TMPRSS15: variants seen among roughly 807,000 people sequenced by gnomAD.
The protein encoded by TMPRSS15 is enteropeptidase.
In TMPRSS15, 128 loss-of-function variants were observed where a neutral mutation model predicts 125.3. The observed-to-expected ratio is 1.02, with a 90% CI of 0.89 to 1.18. The LOEUF (loss-of-function observed/expected upper bound fraction) is 1.18, where lower values mean the gene tolerates loss of function less well. Among genes scored for constraint, TMPRSS15 ranks in the 50% most tolerant of loss-of-function variants. The pLI is 0.00. For missense variants in TMPRSS15, 1,283 were observed against 1,212.7 expected (o/e 1.06, Z -0.86); for synonymous variants, 446 against 423.2 (o/e 1.05, Z -0.66).
At chr21:18,355,391 A>G (rs929211339) in intron 8 of TMPRSS15, among the ~76,000 whole-genome samples, 2 of 151,858 alleles carry the variant, frequency 1.3e-5, no homozygotes, top group Non-Finnish European at 2.9e-5. Context: ...TAAAAAGTCC[A>G]GGAGCTTACC....
chr21:18,303,947 T>A (rs1186013989), intron 18 of TMPRSS15, among the ~76,000 whole-genome samples: 1 of 152,174 alleles, frequency 6.6e-6, no homozygotes, highest in East Asian at 1.9e-4. Context: ...TGATTTCCAA[T>A]AAAATATTTT....
chr21:18,447,586 C>T (rs1363897097), intron 1 of TMPRSS15, among the ~76,000 whole-genome samples: 3 of 152,036 alleles, frequency 2.0e-5, no homozygotes, highest in Admixed American at 2.0e-4. Flanking sequence ...TTGGGAGGGA[C>T]TTGGTGGGAA....
At chr21:18,351,305 T>C (rs2075565902) in intron 10 of TMPRSS15, among the ~76,000 whole-genome samples, 1 of 152,186 alleles carries the variant, frequency 6.6e-6, no homozygotes, top group East Asian at 1.9e-4. Flanking sequence ...GTTGTAGATA[T>C]TTATTTACAT....
At chr21:18,351,130 T>A (rs148969062) in intron 10 of TMPRSS15, among the ~76,000 whole-genome samples, 67 of 152,224 alleles carry the variant, frequency 4.4e-4, no homozygotes, top group African/African-American at 1.5e-3. Flanking sequence ...ACTCACAATT[T>A]ATGTTAAATC....
chr21:18,377,991 A>T (rs2075859935), intron 5 of TMPRSS15, among the ~76,000 whole-genome samples: 1 of 152,160 alleles, frequency 6.6e-6, no homozygotes, highest in African/African-American at 2.4e-5. Flanking sequence ...CACTGTTTCT[A>T]CCTAATTCAT....
chr21:18,360,020 A>G (rs1026461001), intron 7 of TMPRSS15, among the ~76,000 whole-genome samples, 157 bp from the exon 8 acceptor site: 10 of 152,086 alleles, frequency 6.6e-5, no homozygotes, highest in South Asian at 4.1e-4. Context: ...ATTGCCGGTT[A>G]TGAACACAAT....
At chr21:18,280,001 G>A (rs1454413477) in intron 22 of TMPRSS15, among the ~76,000 whole-genome samples, 1 of 152,120 alleles carries the variant, frequency 6.6e-6, no homozygotes, top group Non-Finnish European at 1.5e-5. Context: ...AAGACACAGT[G>A]CTTATCCTTA....
At chr21:18,360,311 C>T (rs1316836723) in intron 7 of TMPRSS15, among the ~76,000 whole-genome samples, 1 of 152,050 alleles carries the variant, frequency 6.6e-6, no homozygotes, top group African/African-American at 2.4e-5. Flanking sequence ...ATATATATCA[C>T]ATTTCCTTTG....
intron 4 of TMPRSS15, 33 bp downstream of exon 4, chr21:18,383,594 G>T: frequency 6.2e-7 from 1 of 1,609,126 alleles, no homozygotes; most frequent in East Asian, 2.2e-5. Flanking sequence ...ATAGCTTAAT[G>T]ATTCAAAGAA....
intron 1 of TMPRSS15, among the ~76,000 whole-genome samples, chr21:18,446,905 A>G (rs991719564): frequency 3.0e-5 from 1 of 32,874 alleles, no homozygotes; most frequent in Admixed American, 3.9e-4. Context: ...TATAACCCCA[A>G]AAAACATAGG....
In TMPRSS15 at chr21:18,275,140, A is replaced by ATAAC. The variant is rs1488286970; in HGVS notation, c.2904+53_2904+56dup. 6.3e-6 allele frequency: 10 copies of ATAAC among 1,588,116 alleles called. No homozygotes were observed. The African/African-American group carries it at 1.3e-4, about 21-fold the overall frequency. ...TCCCTAATTATTGTTAAGCAATGAA[A>ATAAC]TAACTATAACACCAGTGCTTTCTGA... is the stretch of plus-strand genomic sequence containing the variant. On this transcript the variant is annotated intron_variant, in intron 24 of 24. Coordinates refer to ENST00000284885, the MANE Select transcript of TMPRSS15 (RefSeq NM_002772.3).
rs867398358 is a variant in TMPRSS15, at chr21:18,270,413, C to A, written c.2905-289G>T. Among the ~76,000 whole-genome samples the A allele has an allele frequency of 9.2e-5, 14 of 152,160 alleles. No individual in the cohort carries two copies. In the South Asian group the frequency reaches 2.9e-3, roughly 32 times the overall value. ...GCATTTTGGTGGCTACTAAGAAGTT[C>A]TTTAAAGCACAACTATGAAAAGCAT... On this transcript the variant is annotated intron_variant, in intron 24 of 24. Coordinates refer to ENST00000284885, the MANE Select transcript of TMPRSS15 (RefSeq NM_002772.3).
chr21:18,442,864 G>A (rs570473683), intron 1 of TMPRSS15, among the ~76,000 whole-genome samples: 19 of 152,190 alleles, frequency 1.2e-4, no homozygotes, highest in Non-Finnish European at 1.3e-4. Context: ...CGATTCTGAC[G>A]TATCAATTCT....
At chr21:18,352,453 A>C (rs777101474) in intron 10 of TMPRSS15, among the ~76,000 whole-genome samples, 3 of 152,088 alleles carry the variant, frequency 2.0e-5, no homozygotes, top group African/African-American at 4.8e-5. Context: ...AACATCGGAG[A>C]TAACAAACAA....
intron 17 of TMPRSS15, among the ~76,000 whole-genome samples, 154 bp from the exon 18 acceptor site, chr21:18,313,231 G>A (rs2075120449): frequency 6.6e-6 from 1 of 151,814 alleles, no homozygotes; most frequent in African/African-American, 2.4e-5. Context: ...TAATAATAAT[G>A]TATTGTATAT....
chr21:18,380,472 A>G (rs1040832728), intron 4 of TMPRSS15: 4 of 444,660 alleles, frequency 9.0e-6, no homozygotes, highest in South Asian at 5.0e-5. Flanking sequence ...AAAAAAATGT[A>G]TATTTTCCTA....
At chr21:18,299,170 C>T (rs1271487107) in intron 18 of TMPRSS15, among the ~76,000 whole-genome samples, 1 of 152,130 alleles carries the variant, frequency 6.6e-6, no homozygotes, top group Non-Finnish European at 1.5e-5. Flanking sequence ...TGCTATTCCA[C>T]CAAGTGGGCA....
chr21:18,330,377 G>C (rs2075332790), intron 14 of TMPRSS15, among the ~76,000 whole-genome samples: 1 of 152,126 alleles, frequency 6.6e-6, no homozygotes, highest in African/African-American at 2.4e-5. Flanking sequence ...ACCATTCAAA[G>C]ACTCTCCAGT....
intron 10 of TMPRSS15, among the ~76,000 whole-genome samples, chr21:18,351,973 G>T (rs1332227625): frequency 1.3e-5 from 2 of 152,026 alleles, no homozygotes; most frequent in Non-Finnish European, 1.5e-5. Flanking sequence ...GTTAGAGGTG[G>T]CTTTTAACGT....
Sources: allele counts gnomAD v4.1 joint callset (sites outside exome capture counted in the v4.1 genomes callset), GRCh38; gene constraint gnomAD v4.1.1; transcripts MANE v1.5; gene names NCBI Gene and HGNC (gene_info 2026-07-23, HGNC 2026-07-21).